The following MROH6 variants were observed in gnomAD, a reference collection of about 807,000 sequenced individuals.
MROH6 encodes the protein maestro heat-like repeat-containing protein family member 6.
Under a neutral mutation model 67.7 loss-of-function variants are expected in MROH6, and 62 were observed. The observed-to-expected ratio is 0.92, with a 90% CI of 0.75 to 1.13. The LOEUF is 1.13. MROH6 is among the 50% of genes most tolerant of loss of function. The probability of loss-of-function intolerance (pLI) is 0.00; values close to 1 mark genes in which losing one functional copy is unlikely to be tolerated. For missense variants in MROH6, 1,175 were observed against 1,029.1 expected, an observed-to-expected ratio of 1.14 and a Z score of -1.94; for synonymous variants, 566 against 470.8, an observed-to-expected ratio of 1.20 and a Z score of -2.62.
At chr8:143,568,426 G>A (rs908161511) in intron 10 of MROH6, 126 bp downstream of exon 10, 11 of 1,433,340 alleles carry the variant, frequency 7.7e-6, no homozygotes, top group African/African-American at 7.1e-5. Context: ...CTGGCCGCCC[G>A]TCACACCTGC....
intron 2 of MROH6, 64 bp from the exon 3 acceptor site, chr8:143,571,885 T>G (rs1050846318): frequency 6.7e-6 from 10 of 1,502,762 alleles, no homozygotes; most frequent in Non-Finnish European, 8.9e-6. Context: ...CCCTCTGGCC[T>G]GCACCCCACC....
intron 5 of MROH6, 24 bp from the exon 6 acceptor site, chr8:143,570,404 G>A (rs1184235193): frequency 6.6e-7 from 1 of 1,505,130 alleles, no homozygotes; most frequent in East Asian, 2.3e-5. Flanking sequence ...CAGTGAGCAG[G>A]TGGGCAGTGG....
Position 143,569,425 on chromosome 8 carries a change from C to A in MROH6, c.1476+16G>T, listed in dbSNP as rs1392180645. ...CAGCGGCAGGGGCGGGACCCGGAGG[C>A]GGGGCGTTTGCTCACGTCGTCCAGT... On this transcript the variant is annotated intron_variant, in intron 9 of 13. Coordinates refer to ENST00000398882, the MANE Select transcript of MROH6 (RefSeq NM_001100878.2). 7.0e-7 allele frequency: 1 copy of A among 1,424,914 alleles called. No homozygotes were observed. The highest frequency in any genetic ancestry group is 9.1e-7 in the Non-Finnish European group (1 of 1,099,912). 88.3% of individuals were successfully genotyped at this position (1,424,914 alleles called of 1,614,324 possible). A position where few individuals can be genotyped will look rare whatever the true frequency, so the allele number is the denominator to read the frequency against.
chr8:143,566,761 CAG>C lies in MROH6; in HGVS notation c.*476_*477del, dbSNP rs1179716795. ...CGGGAGACAGGTCAATAATTTTGAG[CAG>C]AGAGGATGCCCGCCAGGAGCCTTAG... On this transcript the variant is annotated 3_prime_UTR_variant, in exon 14 of 14. Coordinates refer to ENST00000398882, the MANE Select transcript of MROH6 (RefSeq NM_001100878.2). 1 of 153,010 alleles carries C rather than the reference CAG, an allele frequency of 6.5e-6. No individual in the cohort carries two copies. The highest frequency in any genetic ancestry group is 1.5e-5 in the Non-Finnish European group (1 of 68,650). The allele number at this position is 153,010 out of a possible 1,614,324, so 9.5% of individuals were successfully genotyped here. A position where few individuals can be genotyped will look rare whatever the true frequency, so the allele number is the denominator to read the frequency against.
chr8:143,568,525 G>T (rs1294147041), intron 10 of MROH6, 27 bp downstream of exon 10: 16 of 1,508,464 alleles, frequency 1.1e-5, no homozygotes, highest in Non-Finnish European at 1.2e-5. Flanking sequence ...ATGGCATAGG[G>T]GTGGGATGGT....
chr8:143,566,694 G>C lies in MROH6; in HGVS notation c.*545C>G, dbSNP rs951594123. On this transcript the variant is annotated 3_prime_UTR_variant, in exon 14 of 14. Coordinates refer to ENST00000398882, the MANE Select transcript of MROH6 (RefSeq NM_001100878.2). ...CCATGAGGCCTGACATAATGAACAGGGGGTGATGATGGCCTGGCTGAGAGG... is the reference window on the plus strand; with the variant it reads ...CCATGAGGCCTGACATAATGAACAGCGGGTGATGATGGCCTGGCTGAGAGG... 5 of 152,310 alleles carry C rather than the reference G, an allele frequency of 3.3e-5. No individual in the cohort carries two copies. The highest frequency in any genetic ancestry group is 1.2e-4 in the African/African-American group (5 of 41,450). 9.4% of individuals were successfully genotyped at this position (152,310 alleles called of 1,614,324 possible).
At chr8:143,568,366 C>T in intron 10 of MROH6, 105 bp from the exon 11 acceptor site, 3 of 1,478,666 alleles carry the variant, frequency 2.0e-6, no homozygotes, top group Non-Finnish European at 2.7e-6. Flanking sequence ...GCAGAAGAGC[C>T]CAGGGCAGGA....
rs1823627905 is a variant in MROH6 at position 143,566,652 on chromosome 8, TG to T, written c.*586del. The T allele has an allele frequency of 6.6e-6, 1 of 152,194 alleles. No homozygotes were observed. Among genetic ancestry groups the T allele is most frequent in the African/African-American group, 2.4e-5 (1 of 41,390 alleles). 9.4% of individuals were successfully genotyped at this position (152,194 alleles called of 1,614,324 possible). ...TTGGGAGGACGCCGGGGCCAGCTTCTGGAGAAGGCCAGGCTCCCATGAGGCC... is the reference window on the plus strand; with the variant it reads ...TTGGGAGGACGCCGGGGCCAGCTTCTGAGAAGGCCAGGCTCCCATGAGGCC... On this transcript the variant is annotated 3_prime_UTR_variant, in exon 14 of 14. Transcript: ENST00000398882.
In MROH6 at chr8:143,570,858, A is replaced by G; in HGVS notation, c.720+19T>C. ...CCCACCCCCGCCCCCACCCCCTGGT[A>G]ATGGCTGGAGCCACCTACCGCCAGT... On this transcript the variant is annotated intron_variant, in intron 4 of 13. Coordinates refer to ENST00000398882, the MANE Select transcript of MROH6 (RefSeq NM_001100878.2). 1 of 566,960 alleles carries G rather than the reference A, an allele frequency of 1.8e-6. No homozygotes were observed. Among genetic ancestry groups the G allele is most frequent in the Non-Finnish European group, 3.0e-6 (1 of 329,292 alleles). The allele number at this position is 566,960 out of a possible 1,614,324, so 35.1% of individuals were successfully genotyped here. A position where few individuals can be genotyped will look rare whatever the true frequency, so the allele number is the denominator to read the frequency against.
chr8:143,570,476 G>C lies in MROH6; in HGVS notation c.902C>G (p.Ala301Gly), dbSNP rs747741677. ...GTAACCTGGTGTTGCCTCTCACCTG[G>C]CATGGCTATGTGGTGGCCCTCGGTG... ...LSHRGPPHSH[A>G]SCAVEALKAL... The change falls in exon 5 of 14, where the codon GCC becomes GGC. Residue 301 changes from alanine to glycine, a missense_variant. Ala to Gly is a moderately conservative substitution (Grantham distance 60, BLOSUM62 0). Coordinates refer to ENST00000398882, the MANE Select transcript of MROH6 (RefSeq NM_001100878.2). 121 of 1,611,568 alleles carry C rather than the reference G, an allele frequency of 7.5e-5. No individual in the cohort carries two copies. Among genetic ancestry groups the C allele is most frequent in the Non-Finnish European group, 9.4e-5 (111 of 1,178,868 alleles).
At position 143,568,229 on chromosome 8, in the gene MROH6, G is replaced by A. The variant is rs747087308; in HGVS notation, c.1677C>T (p.His559=). The change falls in exon 11 of 14, where the codon CAC becomes CAT. Residue 559 remains histidine, a synonymous_variant. Coordinates refer to ENST00000398882, the MANE Select transcript of MROH6 (RefSeq NM_001100878.2). ...SSEWTLARCD[H]AFCWGLLEEL... is the part of the protein sequence containing the mutation. ...CCTCCAGCAGGCCCCAGCAAAAGGC[G>A]TGGTCACAGCGGGCCAGGGTCCACT... The A allele has an allele frequency of 3.5e-5, 56 of 1,610,942 alleles. No individual in the cohort carries two copies. The South Asian group carries it at 4.7e-4, about 14-fold the overall frequency.
intron 1 of MROH6, 41 bp downstream of exon 1, chr8:143,572,380 C>T: frequency 6.6e-7 from 1 of 1,513,896 alleles, no homozygotes; most frequent in Non-Finnish European, 8.8e-7. Flanking sequence ...CCACAGGACC[C>T]CCAGGCCGGT....
rs548568972 is a variant in MROH6 at position 143,570,287 on chromosome 8, C to T, written c.999G>A (p.Leu333=). The part of the protein sequence containing the change: ...CMEQAGGWRR[L]VGAHTHLEGV... ...CCTCCAGGTGGGTGTGGGCTCCCAC[C>T]AGCCTCCTCCAGCCTCCTGCCTGCT... The change falls in exon 6 of 14, where the codon CTG becomes CTA. Residue 333 remains leucine (L), a synonymous_variant. Coordinates refer to ENST00000398882, the MANE Select transcript of MROH6 (RefSeq NM_001100878.2). The T allele has an allele frequency of 6.9e-5, 110 of 1,605,534 alleles. No homozygotes were observed. Among genetic ancestry groups the T allele is most frequent in the Non-Finnish European group, 8.7e-5 (102 of 1,178,274 alleles).
In MROH6 at chr8:143,568,640, C is replaced by A; in HGVS notation, c.1556G>T (p.Gly519Val). 1 of 1,535,794 alleles carries A rather than the reference C, an allele frequency of 6.5e-7. No homozygotes were observed. The highest frequency in any genetic ancestry group is 8.7e-7 in the Non-Finnish European group (1 of 1,146,524). The change falls in exon 10 of 14, where the codon GGG becomes GTG. Residue 519 changes from glycine to valine, a missense_variant. By Grantham distance (109) the Gly-to-Val change is moderately radical. Coordinates refer to ENST00000398882, the MANE Select transcript of MROH6 (RefSeq NM_001100878.2). ...CAGCTTCCGCAGGGGGCCGCGGAGCCCCAGCCGGAGCCCGCCCCGGCCCCG... is the reference window on the plus strand; with the variant it reads ...CAGCTTCCGCAGGGGGCCGCGGAGCACCAGCCGGAGCCCGCCCCGGCCCCG... The part of the protein sequence containing the change: ...VRRGRGGLRL[G>V]LRGPLRKLVL...
intron 11 of MROH6, 102 bp from the exon 12 acceptor site, chr8:143,567,990 G>A: frequency 7.0e-7 from 1 of 1,438,190 alleles, no homozygotes. Flanking sequence ...GGAGCCCCCA[G>A]GGCAGGTGGC....
intron 5 of MROH6, 25 bp from the exon 6 acceptor site, chr8:143,570,405 T>TGGACAGTGGGAGCTGAGA (rs1563919146): frequency 6.2e-7 from 1 of 1,606,184 alleles, no homozygotes; most frequent in African/African-American, 1.3e-5. Flanking sequence ...AGTGAGCAGG[T>TGGACAGTGGGAGCTGAGA]GGGCAGTGGG....
chr8:143,568,782 G>T, intron 9 of MROH6, 63 bp from the exon 10 acceptor site: 3 of 1,259,230 alleles, frequency 2.4e-6, no homozygotes, highest in Non-Finnish European at 3.2e-6. Context: ...GTGGGAGGGG[G>T]CGGCCAGCGC....
In MROH6 at chr8:143,569,730, C is replaced by T. The variant is rs1272140746; in HGVS notation, c.1269G>A (p.Leu423=). 1.2e-6 allele frequency: 2 copies of T among 1,613,096 alleles called. No homozygotes were observed. Among genetic ancestry groups the T allele is most frequent in the African/African-American group, 1.3e-5 (1 of 74,938 alleles). The change falls in exon 8 of 14, where the codon CTG becomes CTA. Residue 423 remains leucine (L), a synonymous_variant. Coordinates refer to ENST00000398882, the MANE Select transcript of MROH6 (RefSeq NM_001100878.2). ...GATTCAGCGCGAGGTGGCCCAGGCC[C>T]AGCAGGCCCAACCAGCGCACAGTGG... ...PEPTVRWLGL[L]GLGHLALNRR...
chr8:143,571,749 G>T lies in MROH6; in HGVS notation c.520C>A (p.Leu174Met). 6.5e-7 allele frequency: 1 copy of T among 1,549,134 alleles called. No homozygotes were observed. The highest frequency in any genetic ancestry group is 2.4e-5 in the East Asian group (1 of 41,038). ...LAEGRPWRAALRVLSALALEH... is the reference protein window; with the variant it reads ...LAEGRPWRAAMRVLSALALEH... ...AGGGCCAGTGCGCTCAGCACTCGCAGGGCCGCCCTCCAGGGCCTCCCCTCC... is the reference window on the plus strand; with the variant it reads ...AGGGCCAGTGCGCTCAGCACTCGCATGGCCGCCCTCCAGGGCCTCCCCTCC... The change falls in exon 3 of 14, where the codon CTG (leucine) becomes ATG (methionine). Residue 174 changes from leucine (L) to methionine (M), a missense_variant. Leu to Met is a conservative substitution (Grantham distance 15, BLOSUM62 2). Transcript: ENST00000398882.
Sources: allele counts gnomAD v4.1 joint callset, GRCh38; gene constraint gnomAD v4.1.1; transcripts MANE v1.5; gene names NCBI Gene and HGNC (gene_info 2026-07-23, HGNC 2026-07-21).